MRAP2: variants seen among roughly 807,000 people sequenced by gnomAD.
MRAP2 encodes the protein melanocortin-2 receptor accessory protein 2.
Under a neutral mutation model 17.4 loss-of-function variants are expected in MRAP2, and 20 were observed. The ratio of observed to expected loss-of-function variants is 1.15; its 90% CI spans 0.81 to 1.67. The LOEUF is 1.67. Ranked by LOEUF, MRAP2 falls within the 40% of genes most tolerant of loss-of-function variation. The pLI is 0.00. For synonymous variants in MRAP2, 96 were observed against 88.4 expected, an observed-to-expected ratio of 1.09 and a Z score of -0.48; for missense variants, 238 against 240.0, an observed-to-expected ratio of 0.99 and a Z score of 0.05.
the MRAP2 span, among the ~76,000 whole-genome samples, chr6:84,136,692 C>T: frequency 6.6e-6 from 1 of 152,158 alleles, no homozygotes; most frequent in Non-Finnish European, 1.5e-5. Flanking sequence ...GGACTGACAT[C>T]TGCTCACTAA....
intron 1 of MRAP2, among the ~76,000 whole-genome samples, chr6:84,050,387 T>G (rs759833998): frequency 2.6e-5 from 4 of 152,172 alleles, no homozygotes; most frequent in Non-Finnish European, 5.9e-5. Context: ...AGGCATTGCC[T>G]TATAGAGATG....
At chr6:84,113,890 G>A in the MRAP2 span, among the ~76,000 whole-genome samples, 2 of 151,868 alleles carry the variant, frequency 1.3e-5, no homozygotes, top group African/African-American at 4.8e-5. Flanking sequence ...AATTATTTAA[G>A]AACATTGAAT....
chr6:84,121,872 A>G, the MRAP2 span, among the ~76,000 whole-genome samples: 1 of 146,282 alleles, frequency 6.8e-6, no homozygotes, highest in Admixed American at 6.6e-5. Context: ...ACAACCTAAC[A>G]TCGCACCTCA....
At chr6:84,102,510 A>G in the MRAP2 span, among the ~76,000 whole-genome samples, 2 of 152,222 alleles carry the variant, frequency 1.3e-5, no homozygotes, top group Non-Finnish European at 2.9e-5. Context: ...TGGAAAAGGC[A>G]AGAAAACAGA....
chr6:84,070,442 C>G (rs764330373), intron 3 of MRAP2, among the ~76,000 whole-genome samples: 1 of 152,156 alleles, frequency 6.6e-6, no homozygotes, highest in Non-Finnish European at 1.5e-5. Flanking sequence ...TTCTATTCTA[C>G]TGTGATCTGA....
Position 84,090,564 on chromosome 6 carries a change from AC to A in MRAP2, c.*1084del, listed in dbSNP as rs2129177267. 1 of 152,328 alleles carries A rather than the reference AC, an allele frequency of 6.6e-6. No homozygotes were observed. Among genetic ancestry groups the A allele is most frequent in the Admixed American group, 6.5e-5 (1 of 15,294 alleles). The allele number at this position is 152,328 out of a possible 1,614,324, so 9.4% of individuals were successfully genotyped here. On this transcript the variant is annotated 3_prime_UTR_variant, in exon 4 of 4. Transcript: ENST00000257776. The stretch of plus-strand genomic sequence containing the variant: ...GTGTATCTGTGCCATTGGCTACAGA[AC>A]AAGAAAAATACTATTTGCCATGCTA...
chr6:84,040,938 A>T (rs1196939602), intron 1 of MRAP2, among the ~76,000 whole-genome samples: 1 of 152,244 alleles, frequency 6.6e-6, no homozygotes, highest in Non-Finnish European at 1.5e-5. Flanking sequence ...ACAAGGAGCT[A>T]AATGTTGATT....
At chr6:84,037,740 C>T (rs1485852255) in intron 1 of MRAP2, among the ~76,000 whole-genome samples, 1 of 152,174 alleles carries the variant, frequency 6.6e-6, no homozygotes, top group Non-Finnish European at 1.5e-5. Context: ...AAGCCCCTCA[C>T]TGCCCAGGGC....
downstream of MRAP2, chr6:84,091,023 A>G (rs1005004996): frequency 1.3e-5 from 2 of 152,204 alleles, no homozygotes; most frequent in African/African-American, 4.8e-5. Context: ...GATCTGAGCC[A>G]TGCATGAGAT....
At chr6:84,098,676 G>T in the MRAP2 span, among the ~76,000 whole-genome samples, 1 of 152,114 alleles carries the variant, frequency 6.6e-6, no homozygotes, top group East Asian at 1.9e-4. Context: ...TGCATGTGTA[G>T]TAGTATGTCA....
chr6:84,033,450 C>T (rs1276769019), upstream of MRAP2, among the ~76,000 whole-genome samples: 2 of 152,218 alleles, frequency 1.3e-5, no homozygotes, highest in Non-Finnish European at 2.9e-5. Context: ...TTTCATAAGC[C>T]TTGATTCATG....
chr6:84,127,620 A>G, the MRAP2 span, among the ~76,000 whole-genome samples: 2 of 152,190 alleles, frequency 1.3e-5, no homozygotes, highest in Admixed American at 6.5e-5. Context: ...AAGCTGATAA[A>G]GGCATAGTCA....
At chr6:84,094,081 T>A (rs913355323), downstream of MRAP2, among the ~76,000 whole-genome samples, 7 of 152,358 alleles carry the variant, frequency 4.6e-5, no homozygotes, top group African/African-American at 1.7e-4. Context: ...AGAAACTTAC[T>A]ACATTAGGCA....
At chr6:84,100,338 C>T in the MRAP2 span, among the ~76,000 whole-genome samples, 3,399 of 152,268 alleles carry the variant, frequency 0.022, 129 homozygotes, top group African/African-American at 0.077. Context: ...TCGTGGCTCA[C>T]TGCAGCCTCA....
chr6:84,036,624 T>C (rs969900864), intron 1 of MRAP2, among the ~76,000 whole-genome samples: 3 of 152,082 alleles, frequency 2.0e-5, no homozygotes, highest in South Asian at 2.1e-4. Context: ...GCAAGATTTA[T>C]TGCAAAGAGG....
intron 1 of MRAP2, among the ~76,000 whole-genome samples, chr6:84,034,569 A>C (rs1244653704): frequency 6.7e-6 from 1 of 148,434 alleles, no homozygotes; most frequent in Admixed American, 6.8e-5. Context: ...TGAGGAAGGC[A>C]AAGAGTAGTC....
chr6:84,045,862 A>G (rs1277517311), intron 1 of MRAP2, among the ~76,000 whole-genome samples: 1 of 152,000 alleles, frequency 6.6e-6, no homozygotes, highest in East Asian at 1.9e-4. Context: ...ATACAAATAG[A>G]TAGAGACCAC....
intron 1 of MRAP2, chr6:84,035,316 C>T (rs2099485687): frequency 1.9e-6 from 1 of 540,320 alleles, no homozygotes; most frequent in South Asian, 8.1e-5. Context: ...AACATTGAAT[C>T]CTGGCAACAT....
the MRAP2 span, chr6:84,124,744 C>A: frequency 3.3e-6 from 1 of 300,448 alleles, no homozygotes; most frequent in South Asian, 3.7e-5. Flanking sequence ...ATTTTAAAAA[C>A]CTCACATTAT....
Sources: gnomAD v4.1 joint callset for allele counts (sites outside exome capture counted in the v4.1 genomes callset) on GRCh38, gnomAD v4.1.1 for gene constraint, MANE v1.5 for transcripts, NCBI Gene and HGNC (gene_info 2026-07-23, HGNC 2026-07-21) for gene names.